The following ROBO2 variants were observed in gnomAD, a reference collection of about 807,000 sequenced individuals.
ROBO2 encodes roundabout homolog 2.
In ROBO2, 53 loss-of-function variants were observed where a neutral mutation model predicts 160.8. The ratio of observed to expected loss-of-function variants is 0.33; its 90% CI spans 0.26 to 0.41. The LOEUF is 0.41. ROBO2 is among the 10% of genes least tolerant of loss of function. The pLI, the probability that ROBO2 is intolerant of heterozygous loss-of-function variation, is 1.00. For synonymous variants in ROBO2, 664 were observed against 611.7 expected, an observed-to-expected ratio of 1.09 and a Z score of -1.26; for missense variants, 1,577 against 1,722.4, an observed-to-expected ratio of 0.92 and a Z score of 1.49.
At chr3:76,312,101 A>G (rs1277371726) in intron 2 of ROBO2, among the ~76,000 whole-genome samples, 2 of 152,110 alleles carry the variant, frequency 1.3e-5, no homozygotes, top group Non-Finnish European at 2.9e-5. Flanking sequence ...AGTTACCAAG[A>G]TATGTGTTTT....
chr3:77,427,771 T>G (rs987624989), intron 2 of ROBO2, among the ~76,000 whole-genome samples: 1 of 152,230 alleles, frequency 6.6e-6, no homozygotes, highest in African/African-American at 2.4e-5. Context: ...CTTCATTGTG[T>G]TTGCTAAGAC....
chr3:77,568,200 C>T (rs936545572), intron 12 of ROBO2, 113 bp from the exon 14 acceptor site: 15 of 1,186,698 alleles, frequency 1.3e-5, no homozygotes, highest in African/African-American at 1.1e-4. Flanking sequence ...AGAGAGTTTT[C>T]GTTTTGTTTC....
At chr3:76,667,883 GT>G (rs2092113566) in intron 2 of ROBO2, among the ~76,000 whole-genome samples, 1 of 151,742 alleles carries the variant, frequency 6.6e-6, no homozygotes, top group Non-Finnish European at 1.5e-5. Flanking sequence ...ATAAAAATAG[GT>G]TTTTATGCAC....
intron 16 of ROBO2, among the ~76,000 whole-genome samples, chr3:77,586,182 G>A (rs1232674174): frequency 6.6e-6 from 1 of 152,032 alleles, no homozygotes. Context: ...CCATAATTCT[G>A]CATCATTGCA....
chr3:77,587,622 C>G (rs534896809), intron 16 of ROBO2, among the ~76,000 whole-genome samples: 1 of 151,934 alleles, frequency 6.6e-6, no homozygotes, highest in Non-Finnish European at 1.5e-5. Flanking sequence ...AGATTTAGTG[C>G]CCTATATAAG....
At chr3:76,938,265 G>A (rs11127571) in intron 2 of ROBO2, among the ~76,000 whole-genome samples, 67,704 of 151,660 alleles carry the variant, frequency 0.45, 15,405 homozygotes, top group African/African-American at 0.53. Flanking sequence ...TGAGGCAGGG[G>A]ATCGCTTGAA....
intron 2 of ROBO2, among the ~76,000 whole-genome samples, chr3:76,612,100 T>A (rs1190726903): frequency 2.0e-5 from 3 of 152,232 alleles, no homozygotes; most frequent in Non-Finnish European, 2.9e-5. Flanking sequence ...AGTTTTATTC[T>A]ATTGTGGTCA....
At chr3:77,512,959 A>T (rs2089586868) in intron 5 of ROBO2, among the ~76,000 whole-genome samples, 1 of 151,922 alleles carries the variant, frequency 6.6e-6, no homozygotes, top group South Asian at 2.1e-4. Flanking sequence ...CTTGTTCTAG[A>T]ATTGGAGCCA....
intron 2 of ROBO2, among the ~76,000 whole-genome samples, chr3:77,210,606 A>G (rs1398906492): frequency 1.3e-5 from 2 of 152,186 alleles, no homozygotes; most frequent in Admixed American, 6.5e-5. Flanking sequence ...TTTTTATTAT[A>G]CTTTAAGTTT....
intron 2 of ROBO2, among the ~76,000 whole-genome samples, chr3:77,277,205 T>TTTC (rs1387880874): frequency 6.6e-4 from 88 of 133,730 alleles, no homozygotes; most frequent in Admixed American, 1.2e-3. Flanking sequence ...TCTTTCTTTC[T>TTTC]TTCTTTCTTC....
chr3:76,627,853 T>C (rs911447216), intron 2 of ROBO2, among the ~76,000 whole-genome samples: 6 of 152,156 alleles, frequency 3.9e-5, no homozygotes, highest in African/African-American at 9.7e-5. Flanking sequence ...TTAATGCTTG[T>C]GTGTTTTAAG....
In ROBO2 at chr3:76,834,613, C is replaced by A. The variant is rs1399721763; in HGVS notation, c.110-263401C>A. On this transcript the variant is annotated intron_variant, in intron 2 of 26. Transcript: ENST00000487694. ...TCTCAAGCTACTGACCTCAAGTGAT[C>A]TGCCCACCTCCCAAAGTACTGGAAT... 2.0e-5 allele frequency among the ~76,000 whole-genome samples: 3 copies of A among 152,126 alleles called. No homozygotes were observed. In the East Asian group the frequency reaches 5.8e-4, roughly 29 times the overall value.
intron 2 of ROBO2, among the ~76,000 whole-genome samples, chr3:77,156,146 T>C (rs757131255): frequency 1.3e-5 from 2 of 151,986 alleles, no homozygotes; most frequent in Non-Finnish European, 2.9e-5. Context: ...ACCGAACTTA[T>C]AACTTTCCTG....
intron 1 of ROBO2, among the ~76,000 whole-genome samples, chr3:75,929,345 T>G (rs1431339518): frequency 6.6e-6 from 1 of 152,202 alleles, no homozygotes; most frequent in Non-Finnish European, 1.5e-5. Flanking sequence ...TCTATACTTT[T>G]GTGTTAAATC....
chr3:76,851,714 G>C (rs6768124), intron 2 of ROBO2, among the ~76,000 whole-genome samples: 122,939 of 134,486 alleles, frequency 0.91, 56,460 homozygotes, highest in African/African-American at 0.98. Flanking sequence ...CGCAGTCCGA[G>C]GTGGGCGACA....
chr3:76,861,417 T>G (rs2070767647), intron 2 of ROBO2, among the ~76,000 whole-genome samples: 1 of 152,142 alleles, frequency 6.6e-6, no homozygotes, highest in South Asian at 2.1e-4. Flanking sequence ...AGTAAATTAT[T>G]CTAATGCTAC....
intron 2 of ROBO2, among the ~76,000 whole-genome samples, chr3:77,111,360 G>C (rs9844120): frequency 6.6e-6 from 1 of 151,778 alleles, no homozygotes; most frequent in East Asian, 1.9e-4. Context: ...TCTATACTTA[G>C]TACAAAATAA....
intron 2 of ROBO2, among the ~76,000 whole-genome samples, chr3:77,005,093 CT>C (rs1427140145): frequency 2.6e-5 from 4 of 152,172 alleles, no homozygotes; most frequent in Admixed American, 6.5e-5. Context: ...GTTGGACACG[CT>C]TGGCAGGCTT....
intron 2 of ROBO2, among the ~76,000 whole-genome samples, chr3:76,421,141 T>C (rs1433599003): frequency 1.3e-5 from 2 of 152,182 alleles, no homozygotes; most frequent in Non-Finnish European, 2.9e-5. Context: ...TTTAATAAAA[T>C]GCTGTAACAA....
Sources: allele counts gnomAD v4.1 joint callset (sites outside exome capture counted in the v4.1 genomes callset), GRCh38; gene constraint gnomAD v4.1.1; transcripts MANE v1.5; gene names NCBI Gene and HGNC (gene_info 2026-07-23, HGNC 2026-07-21).